The following TMEM178B variants were observed in gnomAD, a reference collection of about 807,000 sequenced individuals.
TMEM178B encodes the protein transmembrane protein 178B.
Under a neutral mutation model 31.0 loss-of-function variants are expected in TMEM178B, and 5 were observed. That is an observed-to-expected ratio of 0.16 (90% CI 0.08 to 0.34). TMEM178B has a LOEUF of 0.34. TMEM178B is among the 10% of genes least tolerant of loss of function. The pLI is 1.00. For synonymous variants in TMEM178B, 164 were observed against 164.0 expected (o/e 1.00, Z 0.00); for missense variants, 275 against 400.3 (o/e 0.69, Z 2.67).
intron 2 of TMEM178B, among the ~76,000 whole-genome samples, chr7:141,289,967 C>T (rs140043012): frequency 6.6e-6 from 1 of 151,542 alleles, no homozygotes; most frequent in African/African-American, 2.4e-5. Context: ...CATAGTGAGA[C>T]CTTGTCTCTC....
chr7:141,117,091 C>G (rs1795331285), intron 1 of TMEM178B, among the ~76,000 whole-genome samples: 1 of 152,188 alleles, frequency 6.6e-6, no homozygotes, highest in African/African-American at 2.4e-5. Context: ...AATCACCACA[C>G]TGTCTTCCAC....
chr7:141,270,242 G>C (rs1586861560), intron 2 of TMEM178B, among the ~76,000 whole-genome samples: 1 of 152,164 alleles, frequency 6.6e-6, no homozygotes, highest in Admixed American at 6.5e-5. Context: ...CCTGGTTCAA[G>C]CCCAGACACT....
chr7:141,456,350 A>C (rs1037376290), intron 3 of TMEM178B, among the ~76,000 whole-genome samples: 1 of 152,204 alleles, frequency 6.6e-6, no homozygotes, highest in African/African-American at 2.4e-5. Context: ...TTGCCCACTT[A>C]TGGGCAAGGA....
At chr7:141,223,479 C>CTTTTTTTTTTTTTTTTTTTTTTTTT (rs10680431) in intron 2 of TMEM178B, among the ~76,000 whole-genome samples, 3 of 131,160 alleles carry the variant, frequency 2.3e-5, no homozygotes, top group African/African-American at 9.1e-5. Flanking sequence ...TGTTTTCACT[C>CTTTTTTTTTTTTTTTTTTTTTTTTT]TTTTTTTTTT....
chr7:141,131,114 T>C (rs1441199915), intron 1 of TMEM178B, among the ~76,000 whole-genome samples: 3 of 152,286 alleles, frequency 2.0e-5, no homozygotes, highest in South Asian at 4.1e-4. Flanking sequence ...GAAAGATTAT[T>C]TGTGACCAAG....
chr7:141,329,689 A>G (rs1025811732), intron 2 of TMEM178B, among the ~76,000 whole-genome samples: 1 of 152,230 alleles, frequency 6.6e-6, no homozygotes, highest in Non-Finnish European at 1.5e-5. Context: ...GAAGAAAATC[A>G]ACCTGTGTTC....
At chr7:141,096,022 C>A (rs1287607380) in intron 1 of TMEM178B, among the ~76,000 whole-genome samples, 1 of 152,216 alleles carries the variant, frequency 6.6e-6, no homozygotes, top group Non-Finnish European at 1.5e-5. Flanking sequence ...TCCTACAAGG[C>A]CACTACTGGC....
intron 2 of TMEM178B, among the ~76,000 whole-genome samples, chr7:141,315,004 A>C (rs1798976766): frequency 6.6e-6 from 1 of 152,170 alleles, no homozygotes; most frequent in African/African-American, 2.4e-5. Flanking sequence ...CTCCATCCAC[A>C]TCTGAGCCTT....
At chr7:141,186,282 T>C (rs574511053) in intron 1 of TMEM178B, among the ~76,000 whole-genome samples, 1 of 152,262 alleles carries the variant, frequency 6.6e-6, no homozygotes, top group Admixed American at 6.5e-5. Flanking sequence ...AGTTGTGTTT[T>C]GAAAGTTGGA....
chr7:141,409,917 G>A (rs144854114), intron 2 of TMEM178B, among the ~76,000 whole-genome samples: 2,250 of 152,106 alleles, frequency 0.015, 25 homozygotes, highest in South Asian at 0.035. Flanking sequence ...TCTTCCTTGG[G>A]TTTTGAGTTG....
At chr7:141,177,568 T>C (rs928353542) in intron 1 of TMEM178B, among the ~76,000 whole-genome samples, 3 of 152,194 alleles carry the variant, frequency 2.0e-5, no homozygotes, top group African/African-American at 7.2e-5. Flanking sequence ...ACTATTATTG[T>C]GTGGGGGTCT....
At chr7:141,508,952 C>T in the TMEM178B span, among the ~76,000 whole-genome samples, 1,289 of 152,314 alleles carry the variant, frequency 8.5e-3, 14 homozygotes, top group African/African-American at 0.023. Flanking sequence ...GGACTAACTG[C>T]AGCAACACTG....
chr7:141,224,145 C>T (rs71543402), intron 2 of TMEM178B, among the ~76,000 whole-genome samples: 286 of 152,244 alleles, frequency 1.9e-3, no homozygotes, highest in Middle Eastern at 3.4e-3. Context: ...CATGTTAAGA[C>T]GTGCCTTTTG....
At chr7:141,378,189 A>G (rs956653685) in intron 2 of TMEM178B, among the ~76,000 whole-genome samples, 1 of 152,050 alleles carries the variant, frequency 6.6e-6, no homozygotes, top group Non-Finnish European at 1.5e-5. Flanking sequence ...TCATAGTTAG[A>G]CCGGGGTTAC....
chr7:141,351,073 AC>A (rs1563159338), intron 2 of TMEM178B, among the ~76,000 whole-genome samples: 1 of 152,220 alleles, frequency 6.6e-6, no homozygotes, highest in Non-Finnish European at 1.5e-5. Context: ...CAGTGTGACA[AC>A]TAAAACTCAG....
chr7:141,248,190 A>C (rs9791647), intron 2 of TMEM178B, among the ~76,000 whole-genome samples: 72,923 of 151,918 alleles, frequency 0.48, 17,895 homozygotes, highest in East Asian at 0.8. Context: ...GTGGGCAGAT[A>C]ATTTGAGGTC....
intron 3 of TMEM178B, among the ~76,000 whole-genome samples, chr7:141,459,659 G>C (rs1214725673): frequency 1.3e-5 from 2 of 152,218 alleles, no homozygotes; most frequent in Non-Finnish European, 2.9e-5. Context: ...AGACTGCATG[G>C]AGGATGAGAA....
chr7:141,297,437 A>T (rs962601092), intron 2 of TMEM178B, among the ~76,000 whole-genome samples: 3 of 152,054 alleles, frequency 2.0e-5, no homozygotes, highest in Admixed American at 6.5e-5. Context: ...TACATGTGCA[A>T]TGTTGGTGTG....
chr7:141,334,058 G>C (rs1235984993), intron 2 of TMEM178B, among the ~76,000 whole-genome samples: 2 of 152,214 alleles, frequency 1.3e-5, no homozygotes, highest in Non-Finnish European at 1.5e-5. Context: ...GCCAAACCTA[G>C]GGGGAAGAGG....
Sources: allele counts gnomAD v4.1 joint callset (sites outside exome capture counted in the v4.1 genomes callset), GRCh38; gene constraint gnomAD v4.1.1; transcripts MANE v1.5; gene names NCBI Gene and HGNC (gene_info 2026-07-23, HGNC 2026-07-21).